Variants in ABCA12 observed in about 807,000 individuals in gnomAD.
The protein encoded by ABCA12 is glucosylceramide transporter ABCA12.
ABCA12 carries 156 observed loss-of-function variants against 293.5 expected under a neutral mutation model. That is an observed-to-expected ratio of 0.53 (90% CI 0.47 to 0.61). The LOEUF is 0.61. Ranked by LOEUF, ABCA12 falls within the 20% of genes least tolerant of loss-of-function variation. The pLI, the probability that ABCA12 is intolerant of heterozygous loss-of-function variation, is 0.00. For synonymous variants in ABCA12, 1,063 were observed against 1,108.0 expected, an observed-to-expected ratio of 0.96 and a Z score of 0.81; for missense variants, 2,797 against 3,090.2, an observed-to-expected ratio of 0.91 and a Z score of 2.25.
chr2:214,953,900 A>T lies in ABCA12; in HGVS notation c.6601T>A (p.Phe2201Ile), dbSNP rs759737171. The change falls in exon 44 of 53, where the codon TTT becomes ATT. Residue 2201 changes from phenylalanine (F) to isoleucine (I), a missense_variant. Physicochemically the swap from Phe to Ile is conservative, Grantham distance 21. Transcript: ENST00000272895. ...VALVSQGTMFFSLRLLINESL... is the reference protein window; with the variant it reads ...VALVSQGTMFISLRLLINESL... Reference sequence around the variant, plus strand: ...TCGTTGATTAAGAGTCGCAAGGAAAAAAACATGGTGCCCTGAGAAACCAAA... The same window carrying T: ...TCGTTGATTAAGAGTCGCAAGGAAATAAACATGGTGCCCTGAGAAACCAAA... 34 of 1,613,908 alleles carry T rather than the reference A, an allele frequency of 2.1e-5. No individual in the cohort carries two copies. The Admixed American group carries it at 5.5e-4, about 26-fold the overall frequency.
chr2:215,003,896 G>A (rs1700197463), intron 20 of ABCA12, among the ~76,000 whole-genome samples: 1 of 152,098 alleles, frequency 6.6e-6, no homozygotes, highest in Non-Finnish European at 1.5e-5. Flanking sequence ...TCGAACTCCT[G>A]ACTTCAAGTG....
intron 9 of ABCA12, among the ~76,000 whole-genome samples, chr2:215,028,033 T>C (rs1180590745): frequency 6.6e-6 from 1 of 152,216 alleles, no homozygotes; most frequent in African/African-American, 2.4e-5. Context: ...TCTCTATTTA[T>C]TTTGTAACTT....
chr2:215,094,251 G>T (rs1702205349), intron 2 of ABCA12, among the ~76,000 whole-genome samples: 1 of 152,136 alleles, frequency 6.6e-6, no homozygotes, highest in Non-Finnish European at 1.5e-5. Context: ...TCTTCTCAAG[G>T]CCACTTTACT....
chr2:214,966,634 G>A (rs1699266194), intron 39 of ABCA12, among the ~76,000 whole-genome samples: 1 of 152,066 alleles, frequency 6.6e-6, no homozygotes, highest in African/African-American at 2.4e-5. Flanking sequence ...ATCCTGATTT[G>A]ATAGATGAGA....
At chr2:215,058,383 A>G (rs953532381) in intron 3 of ABCA12, among the ~76,000 whole-genome samples, 34 of 151,998 alleles carry the variant, frequency 2.2e-4, no homozygotes, top group Non-Finnish European at 1.5e-4. Flanking sequence ...AACCCTGTGC[A>G]ATGACAGATA....
At chr2:215,011,901 A>G in intron 16 of ABCA12, 70 bp downstream of exon 16, 1 of 1,423,364 alleles carries the variant, frequency 7.0e-7, no homozygotes, top group Non-Finnish European at 9.9e-7. Context: ...ATTGAAGCTG[A>G]ATGTATTATA....
chr2:215,081,910 C>T (rs546165126), intron 2 of ABCA12, among the ~76,000 whole-genome samples: 27 of 152,076 alleles, frequency 1.8e-4, no homozygotes, highest in Middle Eastern at 3.4e-3. Context: ...TTGGGGATTG[C>T]GTTTTGTTAC....
At chr2:215,102,469 C>T (rs183323601) in intron 2 of ABCA12, among the ~76,000 whole-genome samples, 6 of 152,114 alleles carry the variant, frequency 3.9e-5, no homozygotes, top group Admixed American at 6.5e-5. Flanking sequence ...CATGATGGCG[C>T]GCACCTGTAG....
At chr2:214,983,559 T>C (rs1699717068) in intron 29 of ABCA12, 88 bp downstream of exon 29, 4 of 1,096,714 alleles carry the variant, frequency 3.6e-6, no homozygotes, top group South Asian at 2.5e-5. Flanking sequence ...ATATTTCCTA[T>C]TGGTATCATT....
chr2:214,997,320 G>T (rs1241972981), intron 23 of ABCA12, among the ~76,000 whole-genome samples: 1 of 152,078 alleles, frequency 6.6e-6, no homozygotes, highest in Non-Finnish European at 1.5e-5. Context: ...CTACATTTGG[G>T]TTATTTTAGT....
chr2:214,959,595 C>G (rs1285816461), intron 39 of ABCA12, among the ~76,000 whole-genome samples: 4 of 152,004 alleles, frequency 2.6e-5, no homozygotes, highest in Non-Finnish European at 4.4e-5. Context: ...TTTATTGCTT[C>G]TAAGATGCTT....
intron 2 of ABCA12, 64 bp downstream of exon 2, chr2:215,111,533 G>A: frequency 7.5e-7 from 1 of 1,336,960 alleles, no homozygotes; most frequent in Non-Finnish European, 1.1e-6. Context: ...CACTAAAGTG[G>A]TACCAAAATA....
At chr2:214,934,799 G>A (rs975583988) in intron 51 of ABCA12, among the ~76,000 whole-genome samples, 3 of 152,030 alleles carry the variant, frequency 2.0e-5, no homozygotes, top group African/African-American at 7.2e-5. Flanking sequence ...TTAACAATTT[G>A]CTTTCCTGGA....
chr2:215,007,201 T>A (rs908043079), intron 19 of ABCA12, among the ~76,000 whole-genome samples: 1 of 152,156 alleles, frequency 6.6e-6, no homozygotes, highest in Non-Finnish European at 1.5e-5. Context: ...ATTATAACTT[T>A]TGCTTCCTTA....
At chr2:214,985,861 T>C (rs1242538128) in intron 28 of ABCA12, among the ~76,000 whole-genome samples, 1 of 152,136 alleles carries the variant, frequency 6.6e-6, no homozygotes, top group Non-Finnish European at 1.5e-5. Flanking sequence ...GCAAATCACA[T>C]AAAAATAACT....
chr2:215,022,589 A>G (rs1448020650), intron 11 of ABCA12: 2 of 152,252 alleles, frequency 1.3e-5, no homozygotes, highest in Non-Finnish European at 2.9e-5. Flanking sequence ...CCAAAGCTTC[A>G]TGTAGAGCCC....
intron 8 of ABCA12, chr2:215,035,755 TAC>T (rs1160554652): frequency 6.6e-6 from 1 of 151,964 alleles, no homozygotes; most frequent in Non-Finnish European, 1.5e-5. Flanking sequence ...AAAACTGAAT[TAC>T]ATTTTTCACC....
chr2:214,948,272 G>A (rs1162098218), intron 47 of ABCA12, among the ~76,000 whole-genome samples: 1 of 152,180 alleles, frequency 6.6e-6, no homozygotes. Flanking sequence ...AACACTAAAA[G>A]ATGTATAGGC....
chr2:214,949,675 G>GA (rs1698693315), intron 45 of ABCA12, among the ~76,000 whole-genome samples: 1 of 152,118 alleles, frequency 6.6e-6, no homozygotes, highest in South Asian at 2.1e-4. Flanking sequence ...TCGCTTCTGT[G>GA]AAAATGGCAA....
Sources: allele counts gnomAD v4.1 joint callset (sites outside exome capture counted in the v4.1 genomes callset), GRCh38; gene constraint gnomAD v4.1.1; transcripts MANE v1.5; gene names NCBI Gene and HGNC (gene_info 2026-07-23, HGNC 2026-07-21).